TCEANC2: variants seen among roughly 807,000 people sequenced by gnomAD.
TCEANC2 encodes the protein transcription elongation factor A N-terminal and central domain-containing protein 2.
A neutral mutation model predicts 22.8 loss-of-function variants in TCEANC2; 20 were observed. The ratio of observed to expected loss-of-function variants is 0.88; its 90% CI spans 0.62 to 1.28. The LOEUF (loss-of-function observed/expected upper bound fraction) is 1.28, where lower values mean the gene tolerates loss of function less well. Among genes scored for constraint, TCEANC2 ranks in the 50% most tolerant of loss-of-function variants. The pLI is 0.00. For synonymous variants in TCEANC2, 84 were observed against 95.5 expected, an observed-to-expected ratio of 0.88 and a Z score of 0.70; for missense variants, 251 against 249.7, an observed-to-expected ratio of 1.01 and a Z score of -0.03.
At chr1:54,055,268 A>G (rs998577764) in intron 2 of TCEANC2, among the ~76,000 whole-genome samples, 1 of 152,180 alleles carries the variant, frequency 6.6e-6, no homozygotes, top group African/African-American at 2.4e-5. Context: ...GCCCAGCTGG[A>G]AAGAGGCTGT....
At chr1:54,055,990 C>G (rs1005157093) in intron 2 of TCEANC2, among the ~76,000 whole-genome samples, 9 of 152,232 alleles carry the variant, frequency 5.9e-5, no homozygotes, top group African/African-American at 2.2e-4. Flanking sequence ...GGCTCTCAGG[C>G]ACTTAATGCC....
chr1:54,088,552 G>T, intron 3 of TCEANC2, 45 bp from the exon 4 acceptor site: 1 of 1,517,524 alleles, frequency 6.6e-7, no homozygotes, highest in South Asian at 1.2e-5. Flanking sequence ...CTTCTCAGAA[G>T]AAGATGTAAC....
At chr1:54,063,440 T>G (rs1373165734) in intron 2 of TCEANC2, among the ~76,000 whole-genome samples, 1 of 152,186 alleles carries the variant, frequency 6.6e-6, no homozygotes, top group Non-Finnish European at 1.5e-5. Context: ...GGTGCCAAAA[T>G]CCACTAATGC....
intron 2 of TCEANC2, among the ~76,000 whole-genome samples, chr1:54,062,321 C>G (rs1471622326): frequency 6.6e-6 from 1 of 152,176 alleles, no homozygotes; most frequent in Non-Finnish European, 1.5e-5. Context: ...TCTTGTTCCT[C>G]CAAATAATTT....
intron 3 of TCEANC2, among the ~76,000 whole-genome samples, chr1:54,071,280 A>G (rs544039929): frequency 1.3e-5 from 2 of 152,162 alleles, no homozygotes; most frequent in African/African-American, 4.8e-5. Context: ...AATTTTTTTA[A>G]GTTGAGAATC....
rs747836005 is a variant in TCEANC2 at position 54,068,823 on chromosome 1, A to G, written c.170A>G (p.Glu57Gly). The change falls in exon 3 of 5, where the codon GAG becomes GGG. Residue 57 changes from glutamate to glycine, a missense_variant. By Grantham distance (98) the Glu-to-Gly change is moderately conservative. Transcript: ENST00000234827. ...CTGGAGCTTCCTGATCAAACCAAAG[A>G]GAATCTTGTTGAAGCCTTACAAGAA... ...TMLELPDQTK[E>G]NLVEALQELK... 2.5e-6 allele frequency: 4 copies of G among 1,612,626 alleles called. No individual in the cohort carries two copies. The South Asian group carries it at 4.4e-5, about 18-fold the overall frequency.
chr1:54,068,765 G>T lies in TCEANC2; in HGVS notation c.112G>T (p.Val38Phe), dbSNP rs758430968. The T allele has an allele frequency of 1.1e-5, 17 of 1,602,820 alleles. No individual in the cohort carries two copies. In the Middle Eastern group the frequency reaches 1.5e-3, roughly 143 times the overall value. Reference protein sequence around the residue: ...ATIESLKRVVVVEDIKRWKTM... With the variant: ...ATIESLKRVVFVEDIKRWKTM... ...CTTTTCTTTTTCCCAGAGAGTTGTGGTTGTAGAAGACATAAAAAGATGGAA... is the reference window on the plus strand; with the variant it reads ...CTTTTCTTTTTCCCAGAGAGTTGTGTTTGTAGAAGACATAAAAAGATGGAA... Residue 38 changes from valine to phenylalanine, a missense_variant, in exon 3 of 5, where the codon GTT becomes TTT. By Grantham distance (50) the Val-to-Phe change is conservative. Coordinates refer to ENST00000234827, the MANE Select transcript of TCEANC2 (RefSeq NM_153035.3).
At chr1:54,078,468 G>T (rs567489747) in intron 3 of TCEANC2, among the ~76,000 whole-genome samples, 1 of 152,108 alleles carries the variant, frequency 6.6e-6, no homozygotes, top group African/African-American at 2.4e-5. Flanking sequence ...TGTCTCTATG[G>T]GTTCTACCAT....
chr1:54,092,559 G>A (rs1658467618), intron 4 of TCEANC2, among the ~76,000 whole-genome samples: 2 of 152,182 alleles, frequency 1.3e-5, no homozygotes, highest in Admixed American at 6.5e-5. Flanking sequence ...AACAAATATT[G>A]GTTGAACATT....
chr1:54,091,275 C>T (rs1410604403), intron 4 of TCEANC2, among the ~76,000 whole-genome samples: 2 of 152,132 alleles, frequency 1.3e-5, no homozygotes, highest in Admixed American at 1.3e-4. Flanking sequence ...TAGCACCTAT[C>T]ATCATCTGAG....
At chr1:54,060,249 T>TA (rs1347716674) in intron 2 of TCEANC2, among the ~76,000 whole-genome samples, 1 of 151,772 alleles carries the variant, frequency 6.6e-6, no homozygotes, top group East Asian at 1.9e-4. Flanking sequence ...CTACTAAAAA[T>TA]AAAAAATTAG....
chr1:54,109,075 TA>T (rs1412433072), downstream of TCEANC2, among the ~76,000 whole-genome samples: 2 of 151,966 alleles, frequency 1.3e-5, no homozygotes, highest in Non-Finnish European at 2.9e-5. Context: ...CACAGTCCAA[TA>T]AGGAGCCAAG....
At chr1:54,083,588 T>A (rs529299082) in intron 3 of TCEANC2, among the ~76,000 whole-genome samples, 1 of 152,294 alleles carries the variant, frequency 6.6e-6, no homozygotes, top group Admixed American at 6.5e-5. Flanking sequence ...TCTGTATTAT[T>A]TCTCATACAT....
Position 54,096,387 on chromosome 1 carries a change from A to G in TCEANC2, c.541A>G (p.Thr181Ala). 1.2e-6 allele frequency: 2 copies of G among 1,613,640 alleles called. No homozygotes were observed. The highest frequency in any genetic ancestry group is 2.2e-5 in the South Asian group (2 of 91,084). Reference protein sequence around the residue: ...YRRTVRALVFTLKHRAEIRAQ... With the variant: ...YRRTVRALVFALKHRAEIRAQ... ...GCGGACGGTGAGAGCCCTGGTCTTC[A>G]CATTAAAGCACCGAGCTGAAATCCG... Residue 181 changes from threonine (T) to alanine (A), a missense_variant, in exon 5 of 5, where the codon ACA becomes GCA. Coordinates refer to ENST00000234827, the MANE Select transcript of TCEANC2 (RefSeq NM_153035.3). This position sits in a 1 kb window ranked among gnomAD's most constrained non-coding sequence, Gnocchi z 4.9.
At chr1:54,059,707 G>A (rs1212845271) in intron 2 of TCEANC2, among the ~76,000 whole-genome samples, 1 of 152,072 alleles carries the variant, frequency 6.6e-6, no homozygotes, top group African/African-American at 2.4e-5. Context: ...CTGAGACCCG[G>A]GACTGTAATA....
intron 3 of TCEANC2, among the ~76,000 whole-genome samples, chr1:54,077,831 T>A (rs746112708): frequency 1.3e-5 from 2 of 152,182 alleles, no homozygotes; most frequent in Non-Finnish European, 2.9e-5. Context: ...CTTTCTGTGT[T>A]TCTTCAGTCC....
At chr1:54,055,934 T>A (rs1316985818) in intron 2 of TCEANC2, among the ~76,000 whole-genome samples, 1 of 152,232 alleles carries the variant, frequency 6.6e-6, no homozygotes, top group Non-Finnish European at 1.5e-5. Context: ...AGATAATTCT[T>A]CATTATTTGG....
exon 5 of TCEANC2, chr1:54,111,995 A>G (rs762443575): frequency 6.6e-6 from 1 of 152,214 alleles, no homozygotes; most frequent in Non-Finnish European, 1.5e-5. Flanking sequence ...CTTCAGCTCC[A>G]TGAAGGAGCA....
At chr1:54,088,122 C>A (rs1332898425) in intron 3 of TCEANC2, among the ~76,000 whole-genome samples, 2 of 152,190 alleles carry the variant, frequency 1.3e-5, no homozygotes, top group Non-Finnish European at 2.9e-5. Flanking sequence ...TGAATGAGTT[C>A]ATCCACTGAT....
Sources: allele counts gnomAD v4.1 joint callset (sites outside exome capture counted in the v4.1 genomes callset), GRCh38; gene constraint gnomAD v4.1.1; non-coding constraint Gnocchi (gnomAD v3.1); transcripts MANE v1.5; gene names NCBI Gene and HGNC (gene_info 2026-07-23, HGNC 2026-07-21).